ADAM23: variants seen among roughly 807,000 people sequenced by gnomAD.
ADAM23 encodes disintegrin and metalloproteinase domain-containing protein 23.
Under a neutral mutation model 120.1 loss-of-function variants are expected in ADAM23, and 33 were observed. The observed-to-expected ratio is 0.27, with a 90% confidence interval of 0.21 to 0.37. ADAM23 has a LOEUF of 0.37. Among genes scored for constraint, ADAM23 ranks in the 10% least tolerant of loss-of-function variants. The pLI, the probability that ADAM23 is intolerant of heterozygous loss-of-function variation, is 1.00. For missense variants in ADAM23, 862 were observed against 1,058.2 expected (o/e 0.81, Z 2.57); for synonymous variants, 367 against 375.2 (o/e 0.98, Z 0.25).
At chr2:206,559,621 T>C (rs1382538378) in intron 10 of ADAM23, among the ~76,000 whole-genome samples, 1 of 152,196 alleles carries the variant, frequency 6.6e-6, no homozygotes, top group Non-Finnish European at 1.5e-5. Context: ...ACCTGTTACC[T>C]GCTATGAGAT....
chr2:206,492,631 C>T (rs528012129), intron 3 of ADAM23, among the ~76,000 whole-genome samples: 3 of 152,168 alleles, frequency 2.0e-5, no homozygotes, highest in Admixed American at 6.5e-5. Context: ...TGTGTCCTCA[C>T]GTGGCAGAAG....
intron 10 of ADAM23, among the ~76,000 whole-genome samples, chr2:206,557,773 A>G (rs138331314): frequency 2.0e-5 from 3 of 152,292 alleles, no homozygotes; most frequent in Non-Finnish European, 2.9e-5. Context: ...AAAACAGTGG[A>G]GAAATAGCTA....
intron 24 of ADAM23, among the ~76,000 whole-genome samples, chr2:206,596,914 T>C (rs997333119): frequency 6.9e-6 from 1 of 145,982 alleles, no homozygotes; most frequent in Non-Finnish European, 1.5e-5. Flanking sequence ...TTTTTTTTTT[T>C]TTTTTTTTTT....
At chr2:206,481,434 GT>G in intron 3 of ADAM23, 126 bp downstream of exon 3, 1 of 594,170 alleles carries the variant, frequency 1.7e-6, no homozygotes, top group Non-Finnish European at 2.7e-6. Context: ...TATAGAGCAT[GT>G]AAAGTATAAA....
chr2:206,609,497 G>A (rs979204463), intron 24 of ADAM23, among the ~76,000 whole-genome samples: 1 of 152,338 alleles, frequency 6.6e-6, no homozygotes, highest in East Asian at 1.9e-4. Context: ...GTAGCAGAAT[G>A]TGTTTCCTTT....
At position 206,481,233 on chromosome 2, in the gene ADAM23, C is replaced by G. The variant is rs148171905; in HGVS notation, c.434C>G (p.Ala145Gly). The change falls in exon 3 of 26, where the codon GCT becomes GGT. Residue 145 changes from alanine to glycine, a missense_variant and splice_region_variant. Ala to Gly is a moderately conservative substitution (Grantham distance 60, BLOSUM62 0). Transcript: ENST00000264377. ...KARHQQKHNK[A>G]VHLAQASFQI... is the part of the protein sequence containing the mutation. ...TCTTCTGTCTTTTTGAATCCATAGG[C>G]TGTCCATCTGGCCCAGGCAAGCTTC... The G allele has an allele frequency of 5.7e-5, 91 of 1,609,018 alleles. No individual in the cohort carries two copies. In the African/African-American group the frequency reaches 1.2e-3, roughly 21 times the overall value.
In ADAM23 at chr2:206,594,810, A is replaced by C. The variant is rs564188017; in HGVS notation, c.2152A>C (p.Met718Leu). ...AGATGGAACGCCATGTGGCCCGTCTATGATGTGTTTAGATCGGAAGTGCCT... is the reference window on the plus strand; with the variant it reads ...AGATGGAACGCCATGTGGCCCGTCTCTGATGTGTTTAGATCGGAAGTGCCT... ...VEDGTPCGPS[M>L]MCLDRKCLQI... The change falls in exon 23 of 26, where the codon ATG (methionine) becomes CTG (leucine). Residue 718 changes from methionine to leucine, a missense_variant. Physicochemically the swap from Met to Leu is conservative, Grantham distance 15. This residue lies in a region of ADAM23 where 617 missense variants were observed against 813.5 expected (regional missense o/e 0.76). Transcript: ENST00000264377. 1 of 1,614,226 alleles carries C rather than the reference A, an allele frequency of 6.2e-7. No homozygotes were observed. The highest frequency in any genetic ancestry group is 1.3e-5 in the African/African-American group (1 of 75,058).
At chr2:206,497,413 C>A (rs1265342532) in intron 3 of ADAM23, among the ~76,000 whole-genome samples, 2 of 152,192 alleles carry the variant, frequency 1.3e-5, no homozygotes, top group African/African-American at 2.4e-5. Flanking sequence ...ACATGATTAT[C>A]TCAATAGATG....
At chr2:206,552,735 C>T (rs1019136529) in intron 9 of ADAM23, among the ~76,000 whole-genome samples, 5 of 152,148 alleles carry the variant, frequency 3.3e-5, no homozygotes, top group African/African-American at 7.2e-5. Context: ...AATCTCATCT[C>T]GGCGCAACCT....
rs1191491526 is a variant in ADAM23, at chr2:206,508,591, G to A, written c.510-22294G>A. 2.7e-5 allele frequency among the ~76,000 whole-genome samples: 4 copies of A among 150,430 alleles called. No homozygotes were observed. The Admixed American group carries it at 2.7e-4, about 10-fold the overall frequency. On this transcript the variant is annotated intron_variant, in intron 3 of 25. Transcript: ENST00000264377. ...GAATCGCTTGAACCTGGGAAGCAGA[G>A]GCTGCAGTGAACCAAGATCATGCCA... is the stretch of plus-strand genomic sequence containing the variant.
chr2:206,567,355 T>C, intron 15 of ADAM23, 33 bp downstream of exon 15: 1 of 1,559,052 alleles, frequency 6.4e-7, no homozygotes, highest in Non-Finnish European at 8.8e-7. Flanking sequence ...TAAGAAAGTA[T>C]ATTATTTCTC....
intron 2 of ADAM23, among the ~76,000 whole-genome samples, chr2:206,468,297 A>G (rs1421403584): frequency 3.9e-5 from 6 of 152,166 alleles, no homozygotes; most frequent in African/African-American, 1.4e-4. Flanking sequence ...CCTTTTAAAC[A>G]TAAGTTCTAG....
rs547430970 is a variant in ADAM23, at chr2:206,561,683, CATT to C, written c.1254+472_1254+474del. On this transcript the variant is annotated intron_variant, in intron 12 of 25. Coordinates refer to ENST00000264377, the MANE Select transcript of ADAM23 (RefSeq NM_003812.4). ...ACTCAAACACCTATTTCCTTAATCT[CATT>C]GTTCAGATTTTAATACTTTCAGTTT... Among the ~76,000 whole-genome samples, 507 of 152,232 alleles carry C rather than the reference CATT, an allele frequency of 3.3e-3. 3 individuals are homozygous for C. Among genetic ancestry groups the C allele is most frequent in the African/African-American group, 0.011 (476 of 41,538 alleles).
At chr2:206,530,980 T>C in intron 4 of ADAM23, 32 bp downstream of exon 4, 2 of 1,589,610 alleles carry the variant, frequency 1.3e-6, no homozygotes, top group Non-Finnish European at 1.7e-6. Context: ...AGTACTCTAG[T>C]ATAAGTGTGC....
chr2:206,590,617 T>C (rs1007253374), intron 21 of ADAM23, among the ~76,000 whole-genome samples: 1 of 152,176 alleles, frequency 6.6e-6, no homozygotes, highest in African/African-American at 2.4e-5. Context: ...TTACAAAACT[T>C]TGCATTTCCA....
rs548454169 is a variant in ADAM23, at chr2:206,584,335, C to T, written c.1738-2990C>T. On this transcript the variant is annotated intron_variant, in intron 18 of 25. Transcript: ENST00000264377. ...ATGATCTATTTTTGTGCTGGTTGGC[C>T]TCCTGCCACAAGGTCGTGCTTTCCA... Among the ~76,000 whole-genome samples the T allele has an allele frequency of 1.2e-3, 188 of 152,298 alleles. 1 individual carries two copies. Among genetic ancestry groups the T allele is most frequent in the Non-Finnish European group, 2.2e-3 (153 of 68,038 alleles).
At chr2:206,534,493 T>C (rs75147668) in intron 4 of ADAM23, among the ~76,000 whole-genome samples, 2 of 151,980 alleles carry the variant, frequency 1.3e-5, no homozygotes, top group African/African-American at 2.4e-5. Context: ...TTTTTTTTTT[T>C]GTAGTGAGAA....
chr2:206,454,642 A>G (rs139019646), intron 2 of ADAM23, among the ~76,000 whole-genome samples: 177 of 152,332 alleles, frequency 1.2e-3, no homozygotes, highest in African/African-American at 4.2e-3. Flanking sequence ...TCTGTAAAAT[A>G]AAAAACAAGT....
At chr2:206,478,422 A>C (rs185154093) in intron 2 of ADAM23, among the ~76,000 whole-genome samples, 1 of 151,506 alleles carries the variant, frequency 6.6e-6, no homozygotes. Flanking sequence ...TTTTTTTCCT[A>C]TGGATAAACA....
Sources: allele counts gnomAD v4.1 joint callset (sites outside exome capture counted in the v4.1 genomes callset), GRCh38; gene constraint gnomAD v4.1.1; regional missense constraint gnomAD v4.1.1; transcripts MANE v1.5; gene names NCBI Gene and HGNC (gene_info 2026-07-23, HGNC 2026-07-21).